MTUS2: variants seen among roughly 807,000 people sequenced by gnomAD.
MTUS2 encodes the protein microtubule-associated tumor suppressor candidate 2.
MTUS2 carries 40 observed loss-of-function variants against 114.1 expected under a neutral mutation model. The ratio of observed to expected loss-of-function variants is 0.35; its 90% CI spans 0.27 to 0.46. The LOEUF is 0.46. Among genes scored for constraint, MTUS2 ranks in the 20% least tolerant of loss-of-function variants. The pLI, the probability that MTUS2 is intolerant of heterozygous loss-of-function variation, is 1.00. For missense variants in MTUS2, 1,679 were observed against 1,705.4 expected, an observed-to-expected ratio of 0.98 and a Z score of 0.27; for synonymous variants, 688 against 672.0, an observed-to-expected ratio of 1.02 and a Z score of -0.37.
chr13:28,823,535 T>C (rs1032262788), intron 1 of MTUS2, among the ~76,000 whole-genome samples: 1 of 152,168 alleles, frequency 6.6e-6, no homozygotes, highest in Non-Finnish European at 1.5e-5. Context: ...CTATCTACCA[T>C]CCACCCACCC....
At chr13:29,336,395 C>T (rs1901064266) in intron 7 of MTUS2, among the ~76,000 whole-genome samples, 1 of 152,166 alleles carries the variant, frequency 6.6e-6, no homozygotes, top group South Asian at 2.1e-4. Context: ...AACATTCAGG[C>T]CCCTCTGCTG....
intron 3 of MTUS2, among the ~76,000 whole-genome samples, chr13:29,029,985 A>G (rs1886742415): frequency 1.3e-5 from 2 of 152,184 alleles, no homozygotes; most frequent in African/African-American, 4.8e-5. Flanking sequence ...TATCCAAACC[A>G]TAGCCAGAGC....
At chr13:29,076,168 A>G (rs1889184386) in intron 4 of MTUS2, among the ~76,000 whole-genome samples, 1 of 152,224 alleles carries the variant, frequency 6.6e-6, no homozygotes, top group Admixed American at 6.5e-5. Context: ...CAGCTTCTTC[A>G]TAAAGCTTCT....
chr13:29,028,091 C>T (rs541140833), intron 3 of MTUS2, among the ~76,000 whole-genome samples: 6 of 143,820 alleles, frequency 4.2e-5, no homozygotes, highest in South Asian at 2.1e-4. Flanking sequence ...CAGCGGCTCA[C>T]ACCTGTAATC....
chr13:29,082,025 T>C (rs1189032218), intron 4 of MTUS2, among the ~76,000 whole-genome samples: 1 of 152,186 alleles, frequency 6.6e-6, no homozygotes, highest in East Asian at 1.9e-4. Context: ...AAAATTCATA[T>C]GTTGAAGTTC....
chr13:28,860,605 G>T (rs1876913425), intron 2 of MTUS2, among the ~76,000 whole-genome samples: 1 of 152,148 alleles, frequency 6.6e-6, no homozygotes, highest in Non-Finnish European at 1.5e-5. Context: ...GCCTAGTGGG[G>T]GACATGCACG....
intron 5 of MTUS2, among the ~76,000 whole-genome samples, chr13:29,232,312 ACACACACACACG>A (rs1896361824): frequency 1.3e-5 from 2 of 148,978 alleles, no homozygotes; most frequent in Non-Finnish European, 3.0e-5. Flanking sequence ...GCGCGCACAC[ACACACACACACG>A]CACACATACA....
At chr13:29,053,899 A>G (rs1210113093) in intron 4 of MTUS2, among the ~76,000 whole-genome samples, 1 of 152,312 alleles carries the variant, frequency 6.6e-6, no homozygotes, top group Non-Finnish European at 1.5e-5. Flanking sequence ...TTCTGAGGGC[A>G]TATGGTTTCA....
chr13:28,823,883 A>G (rs1054482357), intron 1 of MTUS2, among the ~76,000 whole-genome samples: 1 of 152,214 alleles, frequency 6.6e-6, no homozygotes, highest in African/African-American at 2.4e-5. Flanking sequence ...CAGGAGAGAA[A>G]AATGAGCAAA....
chr13:28,864,960 A>G (rs1238716922), intron 2 of MTUS2, among the ~76,000 whole-genome samples: 1 of 152,224 alleles, frequency 6.6e-6, no homozygotes, highest in Non-Finnish European at 1.5e-5. Flanking sequence ...GAGACATAGC[A>G]GCTCGCTCTT....
At chr13:29,446,569 T>C (rs780392008) in intron 9 of MTUS2, among the ~76,000 whole-genome samples, 22 of 152,380 alleles carry the variant, frequency 1.4e-4, no homozygotes, top group Middle Eastern at 3.4e-3. Context: ...TTTGCTGTTA[T>C]GCAACAAGTA....
chr13:29,198,681 T>C (rs1468471164), intron 5 of MTUS2, among the ~76,000 whole-genome samples: 1 of 152,202 alleles, frequency 6.6e-6, no homozygotes, highest in African/African-American at 2.4e-5. Context: ...TTTCATGAAA[T>C]TGATTCTTCC....
rs745405001 is a variant in MTUS2, at chr13:29,498,400, G to GTT, written c.3679-18_3679-17insTT. On this transcript the variant is annotated splice_polypyrimidine_tract_variant and intron_variant, in intron 13 of 15. Coordinates refer to ENST00000612955, the MANE Select transcript of MTUS2 (RefSeq NM_001033602.4). ...CCGGGAATCCTGGTCAACAGCTCAT[G>GTT]GCTCTCTGCCTCTGTAGATTGCATT... 169 of 1,613,634 alleles carry GTT rather than the reference G, an allele frequency of 1.0e-4. No individual in the cohort carries two copies. The highest frequency in any genetic ancestry group is 1.4e-4 in the Non-Finnish European group (161 of 1,179,830).
At chr13:29,396,207 AAAG>A (rs1167660004) in intron 8 of MTUS2, among the ~76,000 whole-genome samples, 9 of 152,224 alleles carry the variant, frequency 5.9e-5, no homozygotes, top group South Asian at 2.1e-4. Flanking sequence ...TCTAATCCAA[AAAG>A]AAGGAGTGCC....
intron 7 of MTUS2, among the ~76,000 whole-genome samples, chr13:29,352,602 AATC>A (rs1449643339): frequency 1.1e-4 from 17 of 152,164 alleles, no homozygotes; most frequent in African/African-American, 4.1e-4. Flanking sequence ...ATGTGAATGG[AATC>A]ATATGCTTTG....
intron 2 of MTUS2, among the ~76,000 whole-genome samples, chr13:28,866,649 G>A (rs978006035): frequency 6.6e-6 from 1 of 152,118 alleles, no homozygotes; most frequent in Non-Finnish European, 1.5e-5. Flanking sequence ...AGATGCCTTT[G>A]TATAAGATTT....
At position 28,926,073 on chromosome 13, in the gene MTUS2, T is replaced by A. The variant is rs73437291; in HGVS notation, c.-243+86223T>A. Among the ~76,000 whole-genome samples, 1,132 of 152,306 alleles carry A rather than the reference T, an allele frequency of 7.4e-3. 18 individuals are homozygous for A. Among genetic ancestry groups the A allele is most frequent in the African/African-American group, 0.025 (1,056 of 41,558 alleles). On this transcript the variant is annotated intron_variant, in intron 2 of 15. Coordinates refer to ENST00000612955, the MANE Select transcript of MTUS2 (RefSeq NM_001033602.4). Reference sequence around the variant, plus strand: ...TCAGCCTCTTCTGATCACCCCCTCTTCCTTATTTAATCCCAAGGATGGGAA... The same window carrying A: ...TCAGCCTCTTCTGATCACCCCCTCTACCTTATTTAATCCCAAGGATGGGAA...
intron 2 of MTUS2, among the ~76,000 whole-genome samples, chr13:28,980,118 A>G (rs1310033443): frequency 6.6e-6 from 1 of 152,216 alleles, no homozygotes; most frequent in Admixed American, 6.5e-5. Context: ...CTTTCCTGAT[A>G]CTTGAGGGCT....
intron 1 of MTUS2, among the ~76,000 whole-genome samples, chr13:28,822,137 TG>T (rs1217901376): frequency 6.6e-6 from 1 of 152,234 alleles, no homozygotes; most frequent in African/African-American, 2.4e-5. Flanking sequence ...AAGTTTTTAT[TG>T]TTTTTAAGGT....
Sources: allele counts gnomAD v4.1 joint callset (sites outside exome capture counted in the v4.1 genomes callset), GRCh38; gene constraint gnomAD v4.1.1; transcripts MANE v1.5; gene names NCBI Gene and HGNC (gene_info 2026-07-23, HGNC 2026-07-21).